The following CAMK2B variants were observed in gnomAD, a reference collection of about 807,000 sequenced individuals.
CAMK2B encodes calcium/calmodulin-dependent protein kinase type II subunit beta.
In CAMK2B, 27 loss-of-function variants were observed where a neutral mutation model predicts 93.7. The ratio of observed to expected loss-of-function variants is 0.29; its 90% CI spans 0.21 to 0.40. The LOEUF is 0.40. Ranked by LOEUF, CAMK2B falls within the 10% of genes least tolerant of loss-of-function variation. The probability of loss-of-function intolerance (pLI) is 1.00; values close to 1 mark genes in which losing one functional copy is unlikely to be tolerated. For synonymous variants in CAMK2B, 374 were observed against 358.8 expected, an observed-to-expected ratio of 1.04 and a Z score of -0.48; for missense variants, 568 against 895.8, an observed-to-expected ratio of 0.63 and a Z score of 4.67.
chr7:44,307,051 C>A (rs1290686836), intron 1 of CAMK2B, among the ~76,000 whole-genome samples: 5 of 65,084 alleles, frequency 7.7e-5, no homozygotes, highest in African/African-American at 1.3e-4. Flanking sequence ...AGGCGGTGAG[C>A]AGGGGGAGGA....
intron 3 of CAMK2B, among the ~76,000 whole-genome samples, chr7:44,261,600 C>T (rs2096879664): frequency 6.6e-6 from 1 of 152,120 alleles, no homozygotes; most frequent in Non-Finnish European, 1.5e-5. Flanking sequence ...AGATGGAGCA[C>T]TGGGGGTCTG....
At chr7:44,228,099 G>A (rs146122868) in intron 19 of CAMK2B, among the ~76,000 whole-genome samples, 1 of 152,014 alleles carries the variant, frequency 6.6e-6, no homozygotes, top group Non-Finnish European at 1.5e-5. Context: ...CCTCCAGGGA[G>A]AGGCTGCTGG....
At chr7:44,276,428 C>G (rs2097042724) in intron 2 of CAMK2B, among the ~76,000 whole-genome samples, 1 of 152,220 alleles carries the variant, frequency 6.6e-6, no homozygotes, top group South Asian at 2.1e-4. Context: ...GAGGCAGCAC[C>G]CCCCCGCCAC....
Position 44,271,300 on chromosome 7 carries a change from TAACTC to T in CAMK2B, c.161-8241_161-8237del, listed in dbSNP as rs1299820506. Among the ~76,000 whole-genome samples the T allele has an allele frequency of 6.6e-6, 1 of 152,114 alleles. No individual in the cohort carries two copies. Among genetic ancestry groups the T allele is most frequent in the African/African-American group, 2.4e-5 (1 of 41,410 alleles). ...GCACCCTGCCTGGTACCAACACACT[TAACTC>T]AAGCGTCCCAATTCACTTCAAGGCT... On this transcript the variant is annotated intron_variant, in intron 2 of 23. Coordinates refer to ENST00000395749, the MANE Select transcript of CAMK2B (RefSeq NM_001220.5). This position sits in a 1 kb window ranked among gnomAD's most constrained non-coding sequence, Gnocchi z 4.2.
chr7:44,252,121 G>A (rs1039442671), intron 5 of CAMK2B, among the ~76,000 whole-genome samples: 4 of 152,124 alleles, frequency 2.6e-5, no homozygotes, highest in African/African-American at 9.7e-5. Flanking sequence ...AGTCAAGGCC[G>A]CGCCTGTGGA....
intron 1 of CAMK2B, among the ~76,000 whole-genome samples, chr7:44,304,682 C>A (rs1298684164): frequency 6.6e-6 from 1 of 152,188 alleles, no homozygotes; most frequent in African/African-American, 2.4e-5. Flanking sequence ...AGATACATGT[C>A]ATTCTACATT....
chr7:44,294,653 G>A (rs1584715420), intron 1 of CAMK2B, among the ~76,000 whole-genome samples: 1 of 152,278 alleles, frequency 6.6e-6, no homozygotes, highest in East Asian at 1.9e-4. Context: ...CCATCTCCTG[G>A]CCCTCTGCTC....
At chr7:44,309,668 G>A (rs1015484555) in intron 1 of CAMK2B, among the ~76,000 whole-genome samples, 2 of 152,212 alleles carry the variant, frequency 1.3e-5, no homozygotes, top group Admixed American at 1.3e-4. Context: ...GCTGTGGAAA[G>A]GACACAGCCT....
chr7:44,242,787 C>A, intron 8 of CAMK2B, 133 bp from the exon 9 acceptor site: 1 of 655,944 alleles, frequency 1.5e-6, no homozygotes. Context: ...TCCTTTGCCC[C>A]CACCTGTGCA....
intron 3 of CAMK2B, 50 bp downstream of exon 3, chr7:44,262,955 T>C: frequency 1.3e-6 from 2 of 1,511,248 alleles, no homozygotes; most frequent in Non-Finnish European, 1.8e-6. Flanking sequence ...TGGGCTGCTG[T>C]CCGGGAGAAG....
chr7:44,299,172 A>C (rs1016220438), intron 1 of CAMK2B, among the ~76,000 whole-genome samples: 2 of 152,262 alleles, frequency 1.3e-5, no homozygotes, highest in African/African-American at 4.8e-5. Flanking sequence ...TGGATAAATA[A>C]AGTGTGGTCT....
chr7:44,273,331 C>T (rs1412382604), intron 2 of CAMK2B, among the ~76,000 whole-genome samples: 1 of 152,180 alleles, frequency 6.6e-6, no homozygotes, highest in Non-Finnish European at 1.5e-5. Context: ...AAAATGTCAT[C>T]CACTCATCCA....
chr7:44,244,104 G>A (rs2096708033), intron 6 of CAMK2B, among the ~76,000 whole-genome samples: 1 of 152,146 alleles, frequency 6.6e-6, no homozygotes, highest in South Asian at 2.1e-4. Flanking sequence ...TCAGCACTAG[G>A]GGCAGCCCAG....
intron 1 of CAMK2B, among the ~76,000 whole-genome samples, chr7:44,298,587 A>G (rs541353405): frequency 2.0e-5 from 3 of 152,360 alleles, no homozygotes; most frequent in African/African-American, 7.2e-5. Flanking sequence ...TATCAAGAGA[A>G]TGAAAAGACA....
intron 1 of CAMK2B, among the ~76,000 whole-genome samples, chr7:44,293,466 C>T (rs1258352616): frequency 1.3e-5 from 2 of 152,164 alleles, no homozygotes; most frequent in East Asian, 1.9e-4. Context: ...CGAGTTTGTA[C>T]AGGTTTTCCT....
chr7:44,284,039 G>T, intron 2 of CAMK2B, 92 bp downstream of exon 2: 2 of 900,870 alleles, frequency 2.2e-6, no homozygotes, highest in Non-Finnish European at 3.5e-6. Context: ...GCCAAGACTG[G>T]GAGGGGCCTG....
In CAMK2B at chr7:44,309,931, A is replaced by C. The variant is rs2116069020; in HGVS notation, c.65+15426T>G. Among the ~76,000 whole-genome samples the C allele has an allele frequency of 2.0e-5, 3 of 152,310 alleles. No individual in the cohort carries two copies. The Middle Eastern group carries it at 0.01, about 518-fold the overall frequency. ...GGCCCGCGGGTAGTCACCGCGCCTG[A>C]GCAGCCAGAACCAGGCCGAGGCCGC... On this transcript the variant is annotated intron_variant, in intron 1 of 23. Transcript: ENST00000395749.
chr7:44,268,553 C>T (rs887442981), intron 2 of CAMK2B: 1 of 152,344 alleles, frequency 6.6e-6, no homozygotes, highest in Non-Finnish European at 1.5e-5. Context: ...AAGCAAACCA[C>T]TCATGCTCAT....
intron 20 of CAMK2B, among the ~76,000 whole-genome samples, chr7:44,222,681 T>C (rs1031504200): frequency 6.6e-6 from 1 of 152,204 alleles, no homozygotes; most frequent in Non-Finnish European, 1.5e-5. Context: ...TAACCTCAAG[T>C]GATCTGCCCA....
Sources: allele counts gnomAD v4.1 joint callset (sites outside exome capture counted in the v4.1 genomes callset), GRCh38; gene constraint gnomAD v4.1.1; non-coding constraint Gnocchi (gnomAD v3.1); transcripts MANE v1.5; gene names NCBI Gene and HGNC (gene_info 2026-07-23, HGNC 2026-07-21).